The following CDK14 variants were observed in gnomAD, a reference collection of about 807,000 sequenced individuals.
CDK14 encodes the protein cyclin-dependent kinase 14.
Under a neutral mutation model 60.7 loss-of-function variants are expected in CDK14, and 34 were observed. That is an observed-to-expected ratio of 0.56 (90% CI 0.43 to 0.75). CDK14 has a LOEUF of 0.75. Ranked by LOEUF, CDK14 falls within the 30% of genes least tolerant of loss-of-function variation. The pLI, the probability that CDK14 is intolerant of heterozygous loss-of-function variation, is 0.00. For missense variants in CDK14, 482 were observed against 564.1 expected, an observed-to-expected ratio of 0.85 and a Z score of 1.47; for synonymous variants, 197 against 203.7, an observed-to-expected ratio of 0.97 and a Z score of 0.28.
At chr7:91,152,069 C>T (rs985591860) in intron 14 of CDK14, among the ~76,000 whole-genome samples, 7 of 152,196 alleles carry the variant, frequency 4.6e-5, no homozygotes, top group Non-Finnish European at 8.8e-5. Context: ...TCATACTTTC[C>T]TCATGTGGTT....
At chr7:90,791,804 G>A (rs10953023) in intron 5 of CDK14, among the ~76,000 whole-genome samples, 97,338 of 151,934 alleles carry the variant, frequency 0.64, 31,626 homozygotes, top group East Asian at 0.96. Flanking sequence ...TGGTTGAAAC[G>A]GTCTCTTCTG....
At chr7:91,028,882 C>A (rs1272285831) in intron 10 of CDK14, among the ~76,000 whole-genome samples, 1 of 151,858 alleles carries the variant, frequency 6.6e-6, no homozygotes, top group Non-Finnish European at 1.5e-5. Context: ...CTATTTTCTC[C>A]CATTCCGTAG....
intron 10 of CDK14, among the ~76,000 whole-genome samples, chr7:91,027,786 C>A (rs1249837096): frequency 2.7e-4 from 2 of 7,498 alleles, no homozygotes; most frequent in Non-Finnish European, 4.7e-4. Flanking sequence ...CCTCCCCTCC[C>A]CTCCCCTCCC....
chr7:90,658,848 A>T (rs1800804841), intron 2 of CDK14, among the ~76,000 whole-genome samples: 1 of 152,138 alleles, frequency 6.6e-6, no homozygotes, highest in Non-Finnish European at 1.5e-5. Flanking sequence ...TATGGTAACT[A>T]TGATATGTTT....
intron 8 of CDK14, among the ~76,000 whole-genome samples, chr7:90,928,069 C>T (rs1793475050): frequency 2.0e-5 from 3 of 152,152 alleles, no homozygotes; most frequent in African/African-American, 7.2e-5. Flanking sequence ...TCCATCAGCT[C>T]ATTTAAGGAC....
At chr7:90,620,560 T>C (rs953690427) in intron 2 of CDK14, among the ~76,000 whole-genome samples, 1 of 152,174 alleles carries the variant, frequency 6.6e-6, no homozygotes, top group Non-Finnish European at 1.5e-5. Flanking sequence ...TCCTTTTCCT[T>C]ATCTGTACAA....
intron 9 of CDK14, among the ~76,000 whole-genome samples, chr7:90,967,738 A>C (rs1794795518): frequency 6.6e-6 from 1 of 152,238 alleles, no homozygotes; most frequent in Non-Finnish European, 1.5e-5. Context: ...GGGCTGTATG[A>C]ATCCAAAAAA....
chr7:90,695,166 T>C (rs1005711121), intron 2 of CDK14, among the ~76,000 whole-genome samples: 7 of 152,180 alleles, frequency 4.6e-5, no homozygotes, highest in Admixed American at 3.3e-4. Context: ...GCTCCTTCCT[T>C]GTCCCCCACT....
At chr7:90,965,395 A>G (rs1295625112) in intron 9 of CDK14, among the ~76,000 whole-genome samples, 1 of 152,196 alleles carries the variant, frequency 6.6e-6, no homozygotes, top group Admixed American at 6.6e-5. Flanking sequence ...TCTGCATGTT[A>G]GACCATGTTT....
chr7:90,705,403 C>T (rs755667069), intron 2 of CDK14, among the ~76,000 whole-genome samples: 6 of 151,672 alleles, frequency 4.0e-5, no homozygotes, highest in Non-Finnish European at 7.4e-5. Context: ...GTTCTTTTTT[C>T]CAGGTTTTAA....
At chr7:91,075,488 A>T (rs1368843469) in intron 11 of CDK14, among the ~76,000 whole-genome samples, 2 of 152,278 alleles carry the variant, frequency 1.3e-5, no homozygotes, top group Non-Finnish European at 2.9e-5. Flanking sequence ...AGAGCTATTT[A>T]TGACAAACCC....
At chr7:90,878,333 T>C (rs1050085139) in intron 6 of CDK14, among the ~76,000 whole-genome samples, 1 of 152,132 alleles carries the variant, frequency 6.6e-6, no homozygotes, top group African/African-American at 2.4e-5. Flanking sequence ...TCAGGCTTCC[T>C]ATATCTGGTG....
At chr7:91,174,314 CATCATCAAAGATCAAAA>C in intron 14 of CDK14, among the ~76,000 whole-genome samples, 1 of 151,768 alleles carries the variant, frequency 6.6e-6, no homozygotes, top group African/African-American at 2.4e-5. Context: ...TGTACATCAC[CATCATCAAAGATCAAAA>C]GTAGATAAAA....
intron 2 of CDK14, among the ~76,000 whole-genome samples, chr7:90,661,417 T>C (rs542694505): frequency 2.2e-3 from 333 of 152,318 alleles, no homozygotes; most frequent in Admixed American, 5.2e-3. Context: ...TGGAGGTCCT[T>C]GTGCCGAATT....
chr7:91,145,477 CA>C (rs1472971658), intron 14 of CDK14, among the ~76,000 whole-genome samples: 1 of 152,198 alleles, frequency 6.6e-6, no homozygotes, highest in Non-Finnish European at 1.5e-5. Context: ...CATTTCTAGA[CA>C]GTAACCGTTG....
chr7:90,814,945 C>T lies in CDK14; in HGVS notation c.544+24293C>T, dbSNP rs558574441. Among the ~76,000 whole-genome samples, 281 of 152,342 alleles carry T rather than the reference C, an allele frequency of 1.8e-3. 1 individual carries two copies. The highest frequency in any genetic ancestry group is 6.6e-3 in the African/African-American group (273 of 41,578). On this transcript the variant is annotated intron_variant, in intron 5 of 14. Transcript: ENST00000380050. The stretch of plus-strand genomic sequence containing the variant: ...TTTAAAATTTGAGTCTTCCTCAGCT[C>T]TGCTTTGAGCATCCTTCAAGGTCAT...
chr7:90,756,464 T>A (rs948776554), intron 4 of CDK14, among the ~76,000 whole-genome samples: 1 of 152,242 alleles, frequency 6.6e-6, no homozygotes, highest in Non-Finnish European at 1.5e-5. Flanking sequence ...TAGTTTTCAC[T>A]CTAGTAGGTA....
At chr7:90,684,202 T>C (rs1294559113) in intron 2 of CDK14, among the ~76,000 whole-genome samples, 4 of 152,220 alleles carry the variant, frequency 2.6e-5, no homozygotes. Flanking sequence ...TTTAGAGTTA[T>C]TTATAGTTCT....
At chr7:90,596,813 G>C in intron 1 of CDK14, 95 bp downstream of exon 1, 1 of 1,028,522 alleles carries the variant, frequency 9.7e-7, no homozygotes, top group Non-Finnish European at 1.5e-6. Flanking sequence ...GCTGCCAGCG[G>C]GGCTGGCGTG....
Sources: allele counts gnomAD v4.1 joint callset (sites outside exome capture counted in the v4.1 genomes callset), GRCh38; gene constraint gnomAD v4.1.1; transcripts MANE v1.5; gene names NCBI Gene and HGNC (gene_info 2026-07-23, HGNC 2026-07-21).